DPP6: variants seen among roughly 807,000 people sequenced by gnomAD.
The protein encoded by DPP6 is A-type potassium channel modulatory protein DPP6.
DPP6 carries 69 observed loss-of-function variants against 122.6 expected under a neutral mutation model. The ratio of observed to expected loss-of-function variants is 0.56; its 90% CI spans 0.46 to 0.69. The LOEUF is 0.69. DPP6 is among the 30% of genes least tolerant of loss of function. The pLI is 0.00. For missense variants in DPP6, 928 were observed against 1,116.9 expected (o/e 0.83, Z 2.41); for synonymous variants, 418 against 433.1 (o/e 0.97, Z 0.43).
At chr7:154,429,777 G>A (rs1310074379) in intron 1 of DPP6, among the ~76,000 whole-genome samples, 1 of 152,180 alleles carries the variant, frequency 6.6e-6, no homozygotes, top group East Asian at 1.9e-4. Flanking sequence ...GGGCTTGAAT[G>A]AGGTGCAGCG....
the DPP6 span, among the ~76,000 whole-genome samples, chr7:153,753,084 G>A: frequency 1.1e-4 from 17 of 151,526 alleles, no homozygotes; most frequent in African/African-American, 4.1e-4. Flanking sequence ...AAAATTCTTC[G>A]CTCTATCTGA....
At chr7:154,494,184 T>C (rs1824524625) in intron 3 of DPP6, among the ~76,000 whole-genome samples, 1 of 152,058 alleles carries the variant, frequency 6.6e-6, no homozygotes, top group Non-Finnish European at 1.5e-5. Flanking sequence ...TGAGAAATCA[T>C]TTCTACAAAA....
intron 7 of DPP6, among the ~76,000 whole-genome samples, chr7:154,691,284 A>G (rs1839917862): frequency 6.6e-6 from 1 of 152,198 alleles, no homozygotes; most frequent in Non-Finnish European, 1.5e-5. Context: ...GATGAGGAGC[A>G]TGATTTTGAC....
chr7:153,750,296 A>G, the DPP6 span, among the ~76,000 whole-genome samples: 1 of 151,924 alleles, frequency 6.6e-6, no homozygotes, highest in Non-Finnish European at 1.5e-5. Flanking sequence ...CTATGATTTG[A>G]GTAGTTATAT....
intron 3 of DPP6, among the ~76,000 whole-genome samples, chr7:154,498,725 A>G (rs764685213): frequency 2.0e-5 from 3 of 152,086 alleles, no homozygotes; most frequent in Non-Finnish European, 4.4e-5. Context: ...CCTCAGCACT[A>G]TTGACATTCG....
chr7:154,689,739 C>A (rs183751498), intron 7 of DPP6, among the ~76,000 whole-genome samples: 3 of 152,284 alleles, frequency 2.0e-5, no homozygotes, highest in Admixed American at 2.0e-4. Flanking sequence ...TTCAACAAAT[C>A]TACGAAAGCA....
intron 1 of DPP6, among the ~76,000 whole-genome samples, chr7:154,407,493 C>T (rs6972828): frequency 0.027 from 4,111 of 152,240 alleles, 176 homozygotes; most frequent in African/African-American, 0.093. Flanking sequence ...TGTAGATTTT[C>T]GCTACAACGA....
chr7:153,849,537 G>A, the DPP6 span, among the ~76,000 whole-genome samples: 62 of 152,096 alleles, frequency 4.1e-4, no homozygotes, highest in African/African-American at 2.4e-4. Flanking sequence ...AAGAAGAACC[G>A]GTTAATATTT....
intron 8 of DPP6, among the ~76,000 whole-genome samples, chr7:154,751,674 G>C (rs534921336): frequency 6.6e-6 from 1 of 152,100 alleles, no homozygotes; most frequent in African/African-American, 2.4e-5. Flanking sequence ...TCTCCTAAGT[G>C]CTGCACCACT....
chr7:154,714,275 A>G (rs1841356011), intron 7 of DPP6, among the ~76,000 whole-genome samples: 1 of 152,158 alleles, frequency 6.6e-6, no homozygotes, highest in Non-Finnish European at 1.5e-5. Context: ...TGAGCCCTTC[A>G]ACCCGTTCCA....
intron 6 of DPP6, among the ~76,000 whole-genome samples, chr7:154,647,443 G>T (rs1031115689): frequency 3.4e-5 from 5 of 147,244 alleles, no homozygotes; most frequent in Admixed American, 2.7e-4. Context: ...GATTAACCAT[G>T]TTCTTGGGGA....
chr7:154,862,944 T>A (rs1803537407), intron 17 of DPP6, among the ~76,000 whole-genome samples: 1 of 152,206 alleles, frequency 6.6e-6, no homozygotes. Flanking sequence ...GGCTCACACC[T>A]GTAATCCCAC....
At chr7:153,939,811 C>A (rs1801617334) in intron 1 of DPP6, among the ~76,000 whole-genome samples, 1 of 152,184 alleles carries the variant, frequency 6.6e-6, no homozygotes, top group Non-Finnish European at 1.5e-5. Context: ...TGCTGACATG[C>A]CTCCTGGAAA....
chr7:154,472,883 T>A (rs182773965), intron 2 of DPP6, among the ~76,000 whole-genome samples: 2 of 152,294 alleles, frequency 1.3e-5, no homozygotes, highest in African/African-American at 4.8e-5. Flanking sequence ...TCTTAAGTGT[T>A]TTAAAAATAC....
At chr7:154,722,411 C>T (rs2131347377) in intron 7 of DPP6, among the ~76,000 whole-genome samples, 1 of 152,356 alleles carries the variant, frequency 6.6e-6, no homozygotes, top group Admixed American at 6.5e-5. Context: ...GGGCCAATGA[C>T]ATCCCTAACC....
chr7:153,798,235 C>T, the DPP6 span, among the ~76,000 whole-genome samples: 1 of 152,304 alleles, frequency 6.6e-6, no homozygotes, highest in African/African-American at 2.4e-5. Flanking sequence ...GGCCCCACTT[C>T]CCAATGCATT....
chr7:154,201,021 G>A (rs991128039), intron 1 of DPP6, among the ~76,000 whole-genome samples: 3 of 152,162 alleles, frequency 2.0e-5, no homozygotes, highest in East Asian at 3.8e-4. Flanking sequence ...AGGGCACGGT[G>A]GAACTTGTCT....
intron 1 of DPP6, among the ~76,000 whole-genome samples, chr7:154,020,867 C>T (rs1251638366): frequency 6.6e-6 from 1 of 152,070 alleles, no homozygotes; most frequent in Non-Finnish European, 1.5e-5. Context: ...GAAGGCAGAG[C>T]TGGGAAAAGG....
chr7:154,530,143 AAAAG>A (rs1400354780), intron 3 of DPP6, among the ~76,000 whole-genome samples: 2 of 152,072 alleles, frequency 1.3e-5, no homozygotes, highest in African/African-American at 2.4e-5. Flanking sequence ...AAAAAAAAGA[AAAAG>A]AAAAAAAAGA....
Sources: allele counts gnomAD v4.1 joint callset (sites outside exome capture counted in the v4.1 genomes callset), GRCh38; gene constraint gnomAD v4.1.1; transcripts MANE v1.5; gene names NCBI Gene and HGNC (gene_info 2026-07-23, HGNC 2026-07-21).